TENM4: variants seen among roughly 807,000 people sequenced by gnomAD.
TENM4 encodes the protein teneurin-4.
In TENM4, 82 loss-of-function variants were observed where a neutral mutation model predicts 243.3. That is an observed-to-expected ratio of 0.34 (90% CI 0.28 to 0.40). TENM4 has a LOEUF of 0.40. Among genes scored for constraint, TENM4 ranks in the 10% least tolerant of loss-of-function variants. The probability of loss-of-function intolerance (pLI) is 1.00; values close to 1 mark genes in which losing one functional copy is unlikely to be tolerated. For missense variants in TENM4, 3,138 were observed against 3,673.3 expected (o/e 0.85, Z 3.77); for synonymous variants, 1,412 against 1,456.3 (o/e 0.97, Z 0.69).
intron 25 of TENM4, among the ~76,000 whole-genome samples, chr11:78,713,136 A>G (rs1036914101): frequency 2.6e-5 from 4 of 152,212 alleles, no homozygotes; most frequent in African/African-American, 7.2e-5. Context: ...CAAGAGTTCA[A>G]AAACACAAGC....
intron 1 of TENM4, among the ~76,000 whole-genome samples, chr11:79,373,075 A>G (rs1857817987): frequency 6.6e-6 from 1 of 152,198 alleles, no homozygotes; most frequent in Non-Finnish European, 1.5e-5. Context: ...AAAAAAATAT[A>G]TATCTAAAGA....
chr11:78,695,123 T>C (rs1197907830), intron 28 of TENM4, among the ~76,000 whole-genome samples: 1 of 149,498 alleles, frequency 6.7e-6, no homozygotes, highest in Non-Finnish European at 1.5e-5. Flanking sequence ...TATCGATCAC[T>C]GCACCCTTGA....
chr11:78,702,529 C>T, intron 27 of TENM4, 126 bp from the exon 28 acceptor site: 1 of 1,142,948 alleles, frequency 8.7e-7, no homozygotes, highest in Non-Finnish European at 1.2e-6. Context: ...GATCCTCATG[C>T]AGCCTATCAT....
chr11:79,097,290 T>A (rs1861106885), intron 4 of TENM4: 1 of 152,208 alleles, frequency 6.6e-6, no homozygotes, highest in Admixed American at 6.5e-5. Context: ...TTTCTTTCCT[T>A]GGTTATGTTT....
intron 3 of TENM4, among the ~76,000 whole-genome samples, chr11:79,165,452 T>C (rs1337597390): frequency 6.6e-6 from 1 of 152,226 alleles, no homozygotes; most frequent in African/African-American, 2.4e-5. Flanking sequence ...TTTTGAGAAC[T>C]GTCTATTCAT....
chr11:78,754,550 C>A (rs1010623953), intron 19 of TENM4, among the ~76,000 whole-genome samples: 53 of 151,714 alleles, frequency 3.5e-4, no homozygotes, highest in African/African-American at 1.3e-3. Flanking sequence ...TAATGGGCCC[C>A]GTAAAGAATG....
intron 2 of TENM4, among the ~76,000 whole-genome samples, chr11:79,290,204 A>T (rs1317211232): frequency 6.6e-6 from 1 of 152,204 alleles, no homozygotes; most frequent in African/African-American, 2.4e-5. Context: ...TCTAGAAGAG[A>T]TAGCATTTAT....
At chr11:78,728,594 A>G (rs75762009) in intron 22 of TENM4, among the ~76,000 whole-genome samples, 9,777 of 151,406 alleles carry the variant, frequency 0.065, 724 homozygotes, top group African/African-American at 0.19. Flanking sequence ...CCTTTCTAAA[A>G]ACATTACTTC....
intron 14 of TENM4, among the ~76,000 whole-genome samples, chr11:78,807,145 T>C (rs1338016397): frequency 2.0e-5 from 3 of 152,242 alleles, no homozygotes; most frequent in Non-Finnish European, 4.4e-5. Flanking sequence ...TGTGAATAGG[T>C]TGCTATGAAC....
At chr11:79,112,387 T>C (rs1179953831) in intron 4 of TENM4, among the ~76,000 whole-genome samples, 1 of 152,126 alleles carries the variant, frequency 6.6e-6, no homozygotes, top group African/African-American at 2.4e-5. Context: ...TTGTAAGCCC[T>C]GCTCAGGGCT....
At chr11:79,431,237 A>G (rs1042408570) in intron 1 of TENM4, among the ~76,000 whole-genome samples, 1 of 152,190 alleles carries the variant, frequency 6.6e-6, no homozygotes, top group African/African-American at 2.4e-5. Context: ...AGTGTTTAGT[A>G]TTTTTTAAAC....
chr11:79,012,259 G>A (rs1183373027), intron 6 of TENM4, among the ~76,000 whole-genome samples: 2 of 152,140 alleles, frequency 1.3e-5, no homozygotes, highest in Admixed American at 6.5e-5. Context: ...TTTCCCCGAC[G>A]GCCTCATGTC....
chr11:79,262,131 T>A (rs1855808901), intron 2 of TENM4, among the ~76,000 whole-genome samples: 1 of 152,128 alleles, frequency 6.6e-6, no homozygotes, highest in Non-Finnish European at 1.5e-5. Flanking sequence ...GCCACCTGCA[T>A]CTTCTGAGAC....
intron 6 of TENM4, among the ~76,000 whole-genome samples, chr11:79,049,198 G>A (rs948057041): frequency 3.3e-5 from 5 of 152,114 alleles, no homozygotes; most frequent in African/African-American, 9.7e-5. Context: ...CCCTCCCCCA[G>A]TCCCCAGTTC....
chr11:79,192,890 G>C (rs1863546533), intron 3 of TENM4: 2 of 152,368 alleles, frequency 1.3e-5, no homozygotes, highest in Admixed American at 1.3e-4. Context: ...AGCCTTTTCT[G>C]GCCAACAGCT....
intron 3 of TENM4, among the ~76,000 whole-genome samples, chr11:79,181,562 C>G (rs536217498): frequency 6.6e-6 from 1 of 152,110 alleles, no homozygotes; most frequent in East Asian, 1.9e-4. Context: ...CACACCACTA[C>G]TTTTTAATAT....
At chr11:79,437,922 G>A (rs771360348) in intron 1 of TENM4, among the ~76,000 whole-genome samples, 35 of 152,234 alleles carry the variant, frequency 2.3e-4, no homozygotes, top group Non-Finnish European at 4.4e-4. Context: ...CTGGCACCTG[G>A]GGATTTTTTT....
Position 79,387,241 on chromosome 11 carries a change from G to C in TENM4, c.-321+53268C>G, listed in dbSNP as rs538589566. ...CTAAGTCTGGATAGCAGTTAACTTT[G>C]CAAGAAGTAAGGGGAAAGATAGAGA... is the stretch of plus-strand genomic sequence containing the variant. On this transcript the variant is annotated intron_variant, in intron 1 of 33. Coordinates refer to ENST00000278550, the MANE Select transcript of TENM4 (RefSeq NM_001098816.3). Among the ~76,000 whole-genome samples, 14 of 152,274 alleles carry C rather than the reference G, an allele frequency of 9.2e-5. No homozygotes were observed. The South Asian group carries it at 2.9e-3, about 32-fold the overall frequency.
intron 17 of TENM4, 60 bp from the exon 18 acceptor site, chr11:78,771,198 A>G: frequency 6.5e-7 from 1 of 1,536,388 alleles, no homozygotes. Flanking sequence ...CATCACACAC[A>G]CTAACACGCT....
Sources: allele counts gnomAD v4.1 joint callset (sites outside exome capture counted in the v4.1 genomes callset), GRCh38; gene constraint gnomAD v4.1.1; transcripts MANE v1.5; gene names NCBI Gene and HGNC (gene_info 2026-07-23, HGNC 2026-07-21).